The following BDP1 variants were observed in gnomAD, a reference collection of about 807,000 sequenced individuals.
The protein encoded by BDP1 is transcription factor TFIIIB component B'' homolog.
Under a neutral mutation model 266.6 loss-of-function variants are expected in BDP1, and 169 were observed. The ratio of observed to expected loss-of-function variants is 0.63; its 90% CI spans 0.56 to 0.72. The LOEUF is 0.72. Among genes scored for constraint, BDP1 ranks in the 30% least tolerant of loss-of-function variants. The pLI is 0.00. For synonymous variants in BDP1, 1,090 were observed against 1,022.4 expected, an observed-to-expected ratio of 1.07 and a Z score of -1.26; for missense variants, 3,015 against 3,053.8, an observed-to-expected ratio of 0.99 and a Z score of 0.30.
rs1252855956 is a variant in BDP1 at position 71,510,375 on chromosome 5, G to A, written c.3283G>A (p.Glu1095Lys). 2 of 1,613,270 alleles carry A rather than the reference G, an allele frequency of 1.2e-6. No homozygotes were observed. Among genetic ancestry groups the A allele is most frequent in the East Asian group, 2.2e-5 (1 of 44,754 alleles). Residue 1095 changes from glutamate (E) to lysine (K), a missense_variant, in exon 17 of 39, where the codon GAA (glutamate) becomes AAA (lysine). Physicochemically the swap from Glu to Lys is moderately conservative, Grantham distance 56. Around this residue, in one of 3 missense-constraint regions of BDP1, gnomAD observed 2,383 missense variants for 2,404.9 expected, o/e 0.99. Transcript: ENST00000358731. ...EEIEIDLEET[E>K]REISPQENGL... Reference sequence around the variant, plus strand: ...AATAGAGATAGATTTGGAAGAAACTGAAAGAGAAATATCCCCACAGGAAAA... The same window carrying A: ...AATAGAGATAGATTTGGAAGAAACTAAAAGAGAAATATCCCCACAGGAAAA...
chr5:71,490,510 A>C (rs957707639), intron 10 of BDP1, among the ~76,000 whole-genome samples: 2 of 152,162 alleles, frequency 1.3e-5, no homozygotes, highest in African/African-American at 4.8e-5. Flanking sequence ...GTTACTTAAG[A>C]TCTCTGAACT....
chr5:71,524,678 G>A (rs1168182902), intron 25 of BDP1, among the ~76,000 whole-genome samples: 2 of 142,370 alleles, frequency 1.4e-5, no homozygotes, highest in East Asian at 2.0e-4. Flanking sequence ...GGTGTTTCTC[G>A]CAGAGGGGGA....
In BDP1 at chr5:71,478,659, AT is replaced by A. The variant is rs200511042; in HGVS notation, c.1015-5171del. On this transcript the variant is annotated intron_variant, in intron 7 of 38. Transcript: ENST00000358731. ...TTATATTTCTCTGGCTGTTTTCAGG[AT>A]TTTTTTTTTTTAATTTTAGTATTCA... Among the ~76,000 whole-genome samples the A allele has an allele frequency of 3.5e-3, 504 of 145,490 alleles. 1 individual carries two copies. Among genetic ancestry groups the A allele is most frequent in the African/African-American group, 6.7e-3 (267 of 39,886 alleles).
chr5:71,527,963 C>T (rs1049119251), intron 25 of BDP1, among the ~76,000 whole-genome samples: 1 of 151,870 alleles, frequency 6.6e-6, no homozygotes, highest in Admixed American at 6.6e-5. Context: ...GGATTACAGG[C>T]ACCTGCCACC....
At chr5:71,486,687 T>G in intron 9 of BDP1, 60 bp downstream of exon 9, 7 of 1,341,554 alleles carry the variant, frequency 5.2e-6, no homozygotes, top group Non-Finnish European at 6.9e-6. Flanking sequence ...TGCAATATTG[T>G]CCCTCAGGCC....
chr5:71,468,581 A>C (rs980510693), intron 6 of BDP1, among the ~76,000 whole-genome samples: 24 of 151,366 alleles, frequency 1.6e-4, no homozygotes, highest in Admixed American at 7.4e-4. Flanking sequence ...ATACCATTTA[A>C]ATAAAAATTA....
intron 16 of BDP1, among the ~76,000 whole-genome samples, chr5:71,508,935 T>TG (rs1355363965): frequency 6.6e-6 from 1 of 152,212 alleles, no homozygotes; most frequent in Non-Finnish European, 1.5e-5. Flanking sequence ...GAGAACTATC[T>TG]GTATAGGAAA....
At chr5:71,500,244 A>G (rs1245466579) in intron 13 of BDP1, among the ~76,000 whole-genome samples, 1 of 151,652 alleles carries the variant, frequency 6.6e-6, no homozygotes, top group Non-Finnish European at 1.5e-5. Flanking sequence ...AGATTCATGT[A>G]AAAGTTAAAA....
At chr5:71,534,504 T>TG (rs200878267) in intron 26 of BDP1, among the ~76,000 whole-genome samples, 133 of 152,084 alleles carry the variant, frequency 8.7e-4, no homozygotes, top group East Asian at 4.6e-3. Flanking sequence ...AAGTTTTTTT[T>TG]TTGTTGTTGT....
In BDP1 at chr5:71,511,185, A is replaced by G. The variant is rs1399053382; in HGVS notation, c.4059+34A>G. 1.9e-6 allele frequency: 3 copies of G among 1,550,186 alleles called. No individual in the cohort carries two copies. The Admixed American group carries it at 6.6e-5, about 34-fold the overall frequency. ...TTTTCTGTCCTTTAAAAGTTTTTTG[A>G]ATGCTTTTTTCAGAGGAAATAAATA... is the stretch of plus-strand genomic sequence containing the variant. On this transcript the variant is annotated intron_variant, in intron 17 of 38. Transcript: ENST00000358731.
At chr5:71,463,279 T>C (rs1322098788) in intron 3 of BDP1, among the ~76,000 whole-genome samples, 3 of 152,134 alleles carry the variant, frequency 2.0e-5, no homozygotes, top group African/African-American at 7.2e-5. Flanking sequence ...TAGCCTGGGG[T>C]TTCTGAGGCA....
intron 2 of BDP1, among the ~76,000 whole-genome samples, chr5:71,460,854 G>A (rs868373120): frequency 2.7e-5 from 4 of 145,732 alleles, no homozygotes; most frequent in African/African-American, 1.0e-4. Context: ...AAAATACACA[G>A]AATTTCAAGT....
chr5:71,513,647 C>T (rs1765061750), intron 19 of BDP1, among the ~76,000 whole-genome samples: 1 of 151,958 alleles, frequency 6.6e-6, no homozygotes, highest in South Asian at 2.1e-4. Context: ...GGCTCTGGTT[C>T]CAGTTCCAGC....
chr5:71,573,182 C>A, the BDP1 span, among the ~76,000 whole-genome samples: 1 of 150,004 alleles, frequency 6.7e-6, no homozygotes, highest in Non-Finnish European at 1.5e-5. Flanking sequence ...GAGTCAAGAT[C>A]GTGCCACCGC....
At chr5:71,572,629 G>C (rs1027808388), downstream of BDP1, among the ~76,000 whole-genome samples, 1 of 152,192 alleles carries the variant, frequency 6.6e-6, no homozygotes, top group Non-Finnish European at 1.5e-5. Context: ...GTTGCTTAAA[G>C]TTTCGTTGAA....
At chr5:71,475,082 C>CT (rs1762502483) in intron 7 of BDP1, among the ~76,000 whole-genome samples, 1 of 152,010 alleles carries the variant, frequency 6.6e-6, no homozygotes, top group African/African-American at 2.4e-5. Flanking sequence ...CTTAAATGTA[C>CT]TTTATTTTAA....
At chr5:71,468,162 G>A (rs1230226017) in intron 6 of BDP1, among the ~76,000 whole-genome samples, 2 of 151,994 alleles carry the variant, frequency 1.3e-5, no homozygotes, top group Non-Finnish European at 2.9e-5. Flanking sequence ...GGGATTACAG[G>A]CATCTGCCAC....
intron 35 of BDP1, 43 bp from the exon 36 acceptor site, chr5:71,556,843 C>A: frequency 3.2e-6 from 3 of 933,526 alleles, no homozygotes; most frequent in Admixed American, 2.9e-5. Flanking sequence ...TTCAGTTTTA[C>A]TTGATAAATT....
intron 1 of BDP1, 59 bp downstream of exon 1, chr5:71,456,148 G>T: frequency 2.0e-6 from 3 of 1,502,676 alleles, no homozygotes; most frequent in Non-Finnish European, 2.7e-6. Context: ...CATGTCACCT[G>T]GAAGCTGAGC....
Sources: allele counts gnomAD v4.1 joint callset (sites outside exome capture counted in the v4.1 genomes callset), GRCh38; gene constraint gnomAD v4.1.1; regional missense constraint gnomAD v4.1.1; transcripts MANE v1.5; gene names NCBI Gene and HGNC (gene_info 2026-07-23, HGNC 2026-07-21).